Variants in SLC38A6 observed in about 807,000 individuals in gnomAD.
The protein encoded by SLC38A6 is N system amino acid transporter NAT-1.
Under a neutral mutation model 65.0 loss-of-function variants are expected in SLC38A6, and 73 were observed. The observed-to-expected ratio is 1.12, with a 90% CI of 0.93 to 1.37. The LOEUF is 1.37. Ranked by LOEUF, SLC38A6 falls within the 40% of genes most tolerant of loss-of-function variation. The pLI is 0.00. For missense variants in SLC38A6, 561 were observed against 531.1 expected (o/e 1.06, Z -0.55); for synonymous variants, 183 against 178.8 (o/e 1.02, Z -0.19).
chr14:61,011,813 T>C (rs1045457837), intron 3 of SLC38A6, among the ~76,000 whole-genome samples: 1 of 152,232 alleles, frequency 6.6e-6, no homozygotes, highest in African/African-American at 2.4e-5. Flanking sequence ...TTTGCATCGA[T>C]GTTCATCAGG....
intron 15 of SLC38A6, among the ~76,000 whole-genome samples, chr14:61,063,266 T>C (rs2042916803): frequency 6.6e-6 from 1 of 152,212 alleles, no homozygotes; most frequent in Non-Finnish European, 1.5e-5. Context: ...CTCTAAATCC[T>C]ATCTAAAAAC....
intron 15 of SLC38A6, among the ~76,000 whole-genome samples, chr14:61,062,557 G>A (rs1048798508): frequency 6.6e-6 from 1 of 151,566 alleles, no homozygotes; most frequent in Non-Finnish European, 1.5e-5. Context: ...AAATTCCTGG[G>A]CTCAAGTGAT....
chr14:61,052,926 T>C, downstream of SLC38A6: 1 of 153,068 alleles, frequency 6.5e-6, no homozygotes, highest in East Asian at 1.9e-4. Context: ...ATGTGAAAGC[T>C]TGTTACATAG....
intron 13 of SLC38A6, among the ~76,000 whole-genome samples, chr14:61,051,297 T>C (rs2139863889): frequency 6.6e-6 from 1 of 152,188 alleles, no homozygotes; most frequent in East Asian, 1.9e-4. Flanking sequence ...ACTGGATAAA[T>C]TTTTTGGCAT....
At chr14:61,045,231 G>T (rs961812155) in intron 10 of SLC38A6, 115 bp from the exon 11 acceptor site, 21 of 670,206 alleles carry the variant, frequency 3.1e-5, no homozygotes, top group Non-Finnish European at 2.6e-5. Context: ...ACTCATTAAA[G>T]ATGAAATAAA....
At chr14:61,049,664 C>T (rs1334416485) in intron 12 of SLC38A6, among the ~76,000 whole-genome samples, 1 of 152,162 alleles carries the variant, frequency 6.6e-6, no homozygotes, top group Non-Finnish European at 1.5e-5. Context: ...TTAAAGTTCC[C>T]TGAGAACAGA....
At chr14:61,078,220 T>G (rs2043497017) in intron 15 of SLC38A6, among the ~76,000 whole-genome samples, 1 of 152,194 alleles carries the variant, frequency 6.6e-6, no homozygotes, top group Admixed American at 6.5e-5. Context: ...GATAAGCTCA[T>G]AGAGGTGGGG....
intron 3 of SLC38A6, among the ~76,000 whole-genome samples, chr14:60,986,864 T>C (rs1298592454): frequency 6.6e-6 from 1 of 152,214 alleles, no homozygotes; most frequent in East Asian, 1.9e-4. Flanking sequence ...AAATGTTTTA[T>C]TTCGGTTATG....
chr14:60,992,781 G>T (rs2038003267), intron 3 of SLC38A6, among the ~76,000 whole-genome samples: 1 of 151,970 alleles, frequency 6.6e-6, no homozygotes, highest in South Asian at 2.1e-4. Context: ...CCGCCTCCTG[G>T]GTTCAAGCAA....
At chr14:60,983,950 CT>C (rs1445041494) in intron 2 of SLC38A6, among the ~76,000 whole-genome samples, 1 of 152,022 alleles carries the variant, frequency 6.6e-6, no homozygotes, top group African/African-American at 2.4e-5. Flanking sequence ...GACATTTGTA[CT>C]TTTACCTCTC....
chr14:61,040,306 G>C (rs2139757244), intron 8 of SLC38A6, among the ~76,000 whole-genome samples: 1 of 150,448 alleles, frequency 6.6e-6, no homozygotes, highest in African/African-American at 2.4e-5. Flanking sequence ...TGAATCACTA[G>C]AACTACAGCT....
intron 3 of SLC38A6, among the ~76,000 whole-genome samples, chr14:60,996,616 A>C (rs1388763523): frequency 6.6e-6 from 1 of 152,220 alleles, no homozygotes; most frequent in Non-Finnish European, 1.5e-5. Flanking sequence ...ATTAGTTTCA[A>C]GATTAAAAGT....
At chr14:60,984,667 T>G in intron 2 of SLC38A6, 63 bp from the exon 3 acceptor site, 12 of 1,377,466 alleles carry the variant, frequency 8.7e-6, no homozygotes, top group East Asian at 2.3e-5. Context: ...GTTTTTGTAA[T>G]GAGACACCAT....
chr14:61,068,114 T>C (rs1360455849), intron 15 of SLC38A6, among the ~76,000 whole-genome samples: 2 of 152,138 alleles, frequency 1.3e-5, no homozygotes, highest in African/African-American at 4.8e-5. Context: ...TAAACTCCTA[T>C]CTGTTTTCTG....
At chr14:61,015,375 C>A (rs554810740) in intron 3 of SLC38A6, among the ~76,000 whole-genome samples, 1 of 152,206 alleles carries the variant, frequency 6.6e-6, no homozygotes, top group East Asian at 1.9e-4. Flanking sequence ...GCTCGGTTCA[C>A]TGCACCCACT....
chr14:61,078,861 T>G (rs1239373858), exon 16 of SLC38A6: 1 of 208,494 alleles, frequency 4.8e-6, no homozygotes, highest in Non-Finnish European at 9.8e-6. Flanking sequence ...CTCAGCTCAT[T>G]GCAACCTCTG....
intron 4 of SLC38A6, among the ~76,000 whole-genome samples, chr14:61,018,941 C>T (rs2040182847): frequency 6.6e-6 from 1 of 152,164 alleles, no homozygotes; most frequent in South Asian, 2.1e-4. Flanking sequence ...GGGAGGAATT[C>T]TCCAATATCC....
chr14:61,030,522 A>G lies in SLC38A6; in HGVS notation c.481A>G (p.Arg161Gly), dbSNP rs1479029223. 2 of 1,598,314 alleles carry G rather than the reference A, an allele frequency of 1.3e-6. No homozygotes were observed. The highest frequency in any genetic ancestry group is 1.7e-5 in the Admixed American group (1 of 58,630). Residue 161 changes from arginine (R) to glycine (G), a missense_variant and splice_region_variant, in exon 6 of 16, where the codon AGA (arginine) becomes GGA (glycine). Arg to Gly is a moderately radical substitution (Grantham distance 125). Coordinates refer to ENST00000267488, the MANE Select transcript of SLC38A6 (RefSeq NM_153811.3). ...IAEFLTGDYS[R>G]YWYLDGQTLL... ...AGAATTTTTGACTGGAGACTATAGT[A>G]GGTAAGAAAAAGTATTTTACATTGT... is the stretch of plus-strand genomic sequence containing the variant.
intron 3 of SLC38A6, among the ~76,000 whole-genome samples, chr14:61,004,876 C>G (rs2038975992): frequency 6.6e-6 from 1 of 152,104 alleles, no homozygotes; most frequent in South Asian, 2.1e-4. Flanking sequence ...CAGGCAGAGA[C>G]ACAACCAAAA....
Sources: gnomAD v4.1 joint callset for allele counts (sites outside exome capture counted in the v4.1 genomes callset) on GRCh38, gnomAD v4.1.1 for gene constraint, MANE v1.5 for transcripts, NCBI Gene and HGNC (gene_info 2026-07-23, HGNC 2026-07-21) for gene names.